ARHGAP24: variants seen among roughly 807,000 people sequenced by gnomAD.
The protein encoded by ARHGAP24 is Rho GTPase activating protein 24, also known as rho GTPase-activating protein 24.
A neutral mutation model predicts 76.4 loss-of-function variants in ARHGAP24; 50 were observed. That is an observed-to-expected ratio of 0.65 (90% CI 0.52 to 0.83). The LOEUF (loss-of-function observed/expected upper bound fraction) is 0.83. ARHGAP24 is among the 40% of genes least tolerant of loss of function. ARHGAP24 has a pLI of 0.00. For missense variants in ARHGAP24, 930 were observed against 914.2 expected (o/e 1.02, Z -0.22); for synonymous variants, 345 against 323.3 (o/e 1.07, Z -0.72).
intron 4 of ARHGAP24, among the ~76,000 whole-genome samples, chr4:85,926,594 T>A (rs1276034537): frequency 6.6e-6 from 1 of 152,204 alleles, no homozygotes; most frequent in Non-Finnish European, 1.5e-5. Flanking sequence ...TGTTATTGAT[T>A]GAATTTTAAA....
intron 3 of ARHGAP24, among the ~76,000 whole-genome samples, chr4:85,802,727 G>T (rs1339925512): frequency 2.0e-5 from 3 of 152,200 alleles, no homozygotes; most frequent in Non-Finnish European, 2.9e-5. Flanking sequence ...GGAGGCGGAG[G>T]TTGTGGTGAG....
chr4:85,512,027 A>G (rs796738196), intron 1 of ARHGAP24, among the ~76,000 whole-genome samples: 53 of 151,892 alleles, frequency 3.5e-4, no homozygotes, highest in African/African-American at 1.1e-3. Flanking sequence ...AGGCCATTCT[A>G]CTCCCTTATG....
At position 85,643,246 on chromosome 4, in the gene ARHGAP24, T is replaced by G. The variant is rs1157678316; in HGVS notation, c.180+72525T>G. Among the ~76,000 whole-genome samples the G allele has an allele frequency of 1.5e-3, 30 of 19,656 alleles. 3 individuals carry two copies. Among genetic ancestry groups the G allele is most frequent in the African/African-American group, 3.2e-3 (17 of 5,356 alleles). The allele number at this position is 19,656 out of a possible 152,430, so 12.9% of individuals were successfully genotyped here. ...TCCGTTTTTTTGTGTTTTTTTTTTTTTTTTTTTTTTTTTTTTTTTTTTTGA... is the reference window on the plus strand; with the variant it reads ...TCCGTTTTTTTGTGTTTTTTTTTTTGTTTTTTTTTTTTTTTTTTTTTTTGA... On this transcript the variant is annotated intron_variant, in intron 2 of 9. Transcript: ENST00000395184.
At chr4:85,777,539 G>A (rs917710070) in intron 3 of ARHGAP24, among the ~76,000 whole-genome samples, 1 of 152,186 alleles carries the variant, frequency 6.6e-6, no homozygotes, top group South Asian at 2.1e-4. Context: ...TGGGCAGGAT[G>A]TTTTAAGATT....
chr4:85,669,807 A>T (rs1319001748), intron 2 of ARHGAP24, among the ~76,000 whole-genome samples: 1 of 151,440 alleles, frequency 6.6e-6, no homozygotes, highest in East Asian at 1.9e-4. Context: ...AAAATAATTT[A>T]GTGAATAATT....
intron 1 of ARHGAP24, among the ~76,000 whole-genome samples, chr4:85,523,385 C>T (rs1275033303): frequency 6.6e-6 from 1 of 152,104 alleles, no homozygotes; most frequent in East Asian, 1.9e-4. Flanking sequence ...CTCAGAGCAC[C>T]TCCTCATTGC....
At chr4:85,938,100 G>A (rs1472111691) in intron 4 of ARHGAP24, among the ~76,000 whole-genome samples, 1 of 152,250 alleles carries the variant, frequency 6.6e-6, no homozygotes, top group East Asian at 1.9e-4. Context: ...TCTCTCTTGT[G>A]TGCGCCACTG....
chr4:85,630,700 CTCTA>C (rs1278698180), intron 2 of ARHGAP24, among the ~76,000 whole-genome samples: 3 of 151,862 alleles, frequency 2.0e-5, no homozygotes, highest in East Asian at 1.9e-4. Context: ...TTTTCTAATA[CTCTA>C]TCTAACATTG....
chr4:85,996,819 A>G lies in ARHGAP24; in HGVS notation c.2003+1162A>G, dbSNP rs187232047. On this transcript the variant is annotated intron_variant, in intron 9 of 9. Coordinates refer to ENST00000395184, the MANE Select transcript of ARHGAP24 (RefSeq NM_001025616.3). ...CCACTATGTATTGGAATTCTGAATT[A>G]CTGCCAATCCATGATGATAAATTAG... 4.3e-4 allele frequency among the ~76,000 whole-genome samples: 65 copies of G among 152,312 alleles called. 1 individual carries two copies. The highest frequency in any genetic ancestry group is 1.6e-3 in the African/African-American group (65 of 41,572).
At chr4:85,499,275 A>G (rs773852126) in intron 1 of ARHGAP24, among the ~76,000 whole-genome samples, 1 of 152,230 alleles carries the variant, frequency 6.6e-6, no homozygotes, top group East Asian at 1.9e-4. Context: ...GGCATTGATG[A>G]TAGGTTTAGT....
chr4:85,614,857 T>C (rs982042756), intron 2 of ARHGAP24, among the ~76,000 whole-genome samples: 1 of 152,162 alleles, frequency 6.6e-6, no homozygotes. Context: ...TCATAGATCC[T>C]GTGATTAAAC....
chr4:85,842,585 A>G (rs1319186901), intron 3 of ARHGAP24, among the ~76,000 whole-genome samples: 1 of 152,240 alleles, frequency 6.6e-6, no homozygotes, highest in African/African-American at 2.4e-5. Flanking sequence ...TAAAGAAAAC[A>G]ACTTAATTAT....
intron 1 of ARHGAP24, among the ~76,000 whole-genome samples, chr4:85,555,519 G>A (rs987607853): frequency 7.2e-5 from 11 of 152,186 alleles, no homozygotes; most frequent in African/African-American, 2.7e-4. Context: ...TCACTGCTTT[G>A]TATTTCCTCA....
chr4:85,634,961 T>C (rs1721268763), intron 2 of ARHGAP24, among the ~76,000 whole-genome samples: 1 of 151,918 alleles, frequency 6.6e-6, no homozygotes, highest in Admixed American at 6.6e-5. Flanking sequence ...CCTGAATCTT[T>C]AGATGTATAC....
At chr4:85,560,441 C>T (rs549300778) in intron 1 of ARHGAP24, among the ~76,000 whole-genome samples, 35 of 152,126 alleles carry the variant, frequency 2.3e-4, no homozygotes, top group African/African-American at 7.5e-4. Context: ...CAAATGAATA[C>T]GGAAACGTTG....
At chr4:85,712,108 T>C (rs1724551295) in intron 2 of ARHGAP24, among the ~76,000 whole-genome samples, 1 of 152,186 alleles carries the variant, frequency 6.6e-6, no homozygotes, top group African/African-American at 2.4e-5. Context: ...CTTTTCCTAG[T>C]TGAGAAATAA....
At chr4:85,539,847 G>A (rs1269248648) in intron 1 of ARHGAP24, among the ~76,000 whole-genome samples, 1 of 152,062 alleles carries the variant, frequency 6.6e-6, no homozygotes, top group Non-Finnish European at 1.5e-5. Context: ...CTGAGGTCAG[G>A]AGTTTGCGAC....
chr4:85,515,302 G>A (rs1057344374), intron 1 of ARHGAP24, among the ~76,000 whole-genome samples: 5 of 151,598 alleles, frequency 3.3e-5, no homozygotes, highest in African/African-American at 1.2e-4. Context: ...CTGTATAAAA[G>A]GGTATATGCA....
chr4:85,962,124 C>T (rs1738295966), intron 5 of ARHGAP24, among the ~76,000 whole-genome samples: 1 of 152,036 alleles, frequency 6.6e-6, no homozygotes, highest in Admixed American at 6.6e-5. Context: ...GTGCTTCAAG[C>T]CCTAGGTCCG....
Sources: allele counts gnomAD v4.1 joint callset (sites outside exome capture counted in the v4.1 genomes callset), GRCh38; gene constraint gnomAD v4.1.1; transcripts MANE v1.5; gene names NCBI Gene and HGNC (gene_info 2026-07-23, HGNC 2026-07-21).